Variants in C12orf42 observed in about 807,000 individuals in gnomAD.
The protein encoded by C12orf42 is chromosome 12 open reading frame 42, also known as uncharacterized protein C12orf42.
C12orf42 carries 25 observed loss-of-function variants against 21.6 expected under a neutral mutation model. The observed-to-expected ratio is 1.16, with a 90% confidence interval of 0.84 to 1.62. C12orf42 has a LOEUF of 1.62. C12orf42 is among the 40% of genes most tolerant of loss of function. The pLI is 0.00. For synonymous variants in C12orf42, 174 were observed against 175.0 expected (o/e 0.99, Z 0.05); for missense variants, 483 against 459.3 (o/e 1.05, Z -0.47).
chr12:103,527,886 A>T, the C12orf42 span, among the ~76,000 whole-genome samples: 6 of 152,334 alleles, frequency 3.9e-5, no homozygotes, highest in East Asian at 1.2e-3. Flanking sequence ...TAACTTTTAA[A>T]TTTATACAAT....
At chr12:103,243,249 AC>A (rs1406834688) in intron 10 of C12orf42, among the ~76,000 whole-genome samples, 4 of 151,654 alleles carry the variant, frequency 2.6e-5, no homozygotes, top group Non-Finnish European at 5.9e-5. Context: ...CTGATCTCAT[AC>A]TCCTGGACTC....
At chr12:103,082,032 C>T in the C12orf42 span, among the ~76,000 whole-genome samples, 1 of 152,116 alleles carries the variant, frequency 6.6e-6, no homozygotes, top group Non-Finnish European at 1.5e-5. Flanking sequence ...TTTCTTCTTC[C>T]AGTGGAAAGT....
chr12:103,098,982 T>C, the C12orf42 span, among the ~76,000 whole-genome samples: 1 of 152,082 alleles, frequency 6.6e-6, no homozygotes, highest in African/African-American at 2.4e-5. Context: ...AGATAACAGA[T>C]ATAGCAGAAG....
chr12:103,141,391 G>A, the C12orf42 span, among the ~76,000 whole-genome samples: 2 of 152,086 alleles, frequency 1.3e-5, no homozygotes, highest in African/African-American at 2.4e-5. Context: ...CAAATATTAA[G>A]AGTTAAATAT....
At chr12:103,095,599 C>T in the C12orf42 span, among the ~76,000 whole-genome samples, 4 of 152,188 alleles carry the variant, frequency 2.6e-5, no homozygotes, top group Admixed American at 6.5e-5. Flanking sequence ...CAATGCATTG[C>T]CTTCCAACAT....
At chr12:103,426,022 G>T (rs1192957287) in intron 2 of C12orf42, among the ~76,000 whole-genome samples, 3 of 152,208 alleles carry the variant, frequency 2.0e-5, no homozygotes, top group Admixed American at 6.5e-5. Flanking sequence ...AGCCCCAAAA[G>T]GCTGAAAATT....
At chr12:103,305,209 T>C (rs1391185387) in intron 5 of C12orf42, among the ~76,000 whole-genome samples, 1 of 152,162 alleles carries the variant, frequency 6.6e-6, no homozygotes, top group East Asian at 1.9e-4. Context: ...ATGAAAAGAC[T>C]ATATAACATC....
intron 4 of C12orf42, among the ~76,000 whole-genome samples, chr12:103,312,528 C>G (rs2039068753): frequency 6.6e-6 from 1 of 152,198 alleles, no homozygotes; most frequent in African/African-American, 2.4e-5. Context: ...TGAGCAGGAT[C>G]AGAGTTTAAA....
chr12:103,180,755 A>G, the C12orf42 span, among the ~76,000 whole-genome samples: 1 of 147,406 alleles, frequency 6.8e-6, no homozygotes, highest in Non-Finnish European at 1.5e-5. Context: ...CAGTCTCCCG[A>G]GTAGCTGGGA....
chr12:103,127,100 G>A, the C12orf42 span, among the ~76,000 whole-genome samples: 1 of 152,172 alleles, frequency 6.6e-6, no homozygotes, highest in Non-Finnish European at 1.5e-5. Flanking sequence ...ATTCAGCACT[G>A]TCATATAGAG....
intron 1 of C12orf42, among the ~76,000 whole-genome samples, chr12:103,483,270 G>T (rs1362006161): frequency 2.6e-5 from 4 of 152,118 alleles, no homozygotes; most frequent in Non-Finnish European, 4.4e-5. Context: ...CACTTGGATT[G>T]GGTTGTTGAT....
the C12orf42 span, chr12:103,080,822 G>A: frequency 6.6e-6 from 1 of 152,074 alleles, no homozygotes; most frequent in Non-Finnish European, 1.5e-5. Context: ...TAGAAAGTTA[G>A]TTCATATAAA....
chr12:103,277,054 G>A (rs2035813957), intron 5 of C12orf42: 1 of 443,846 alleles, frequency 2.3e-6, no homozygotes, highest in Non-Finnish European at 4.5e-6. Context: ...ATTTTTTAAA[G>A]TGCTATTACT....
chr12:103,191,263 A>G, the C12orf42 span, among the ~76,000 whole-genome samples: 1 of 151,858 alleles, frequency 6.6e-6, no homozygotes, highest in Non-Finnish European at 1.5e-5. Flanking sequence ...TGTCAAATAC[A>G]GTTTTTCAAA....
chr12:103,455,416 T>G (rs1453941024), intron 2 of C12orf42, among the ~76,000 whole-genome samples: 1 of 152,170 alleles, frequency 6.6e-6, no homozygotes, highest in African/African-American at 2.4e-5. Context: ...TCTCCAAGTT[T>G]TAATGGGGCT....
the C12orf42 span, among the ~76,000 whole-genome samples, chr12:103,519,507 C>T: frequency 1.3e-5 from 2 of 152,254 alleles, no homozygotes; most frequent in African/African-American, 4.8e-5. Context: ...TTACTTAACC[C>T]TCTAGGTCTA....
chr12:103,307,212 G>A (rs1473763548), intron 4 of C12orf42, among the ~76,000 whole-genome samples: 1 of 152,150 alleles, frequency 6.6e-6, no homozygotes, highest in Non-Finnish European at 1.5e-5. Flanking sequence ...CAAATAATTA[G>A]CAGAGTTGAA....
the C12orf42 span, among the ~76,000 whole-genome samples, chr12:103,201,465 T>C: frequency 2.0e-5 from 3 of 152,086 alleles, no homozygotes; most frequent in Non-Finnish European, 4.4e-5. Context: ...TTCATTGTTG[T>C]TGCATAGAAT....
chr12:103,180,150 G>A, the C12orf42 span, among the ~76,000 whole-genome samples: 1 of 151,814 alleles, frequency 6.6e-6, no homozygotes, highest in South Asian at 2.1e-4. Context: ...AAAAAAAAAG[G>A]TGAAAATTTA....
Sources: allele counts gnomAD v4.1 joint callset (sites outside exome capture counted in the v4.1 genomes callset), GRCh38; gene constraint gnomAD v4.1.1; transcripts MANE v1.5; gene names NCBI Gene and HGNC (gene_info 2026-07-23, HGNC 2026-07-21).